The following PARP1 variants were observed in gnomAD, a reference collection of about 807,000 sequenced individuals.
The protein encoded by PARP1 is poly(ADP-ribose) polymerase 1, also known as poly [ADP-ribose] polymerase 1.
PARP1 carries 44 observed loss-of-function variants against 118.7 expected under a neutral mutation model. The observed-to-expected ratio is 0.37, with a 90% CI of 0.29 to 0.48. The LOEUF (loss-of-function observed/expected upper bound fraction) is 0.48. PARP1 is among the 20% of genes least tolerant of loss of function. The probability of loss-of-function intolerance (pLI) is 0.99; values close to 1 mark genes in which losing one functional copy is unlikely to be tolerated. For synonymous variants in PARP1, 492 were observed against 483.2 expected (o/e 1.02, Z -0.24); for missense variants, 1,100 against 1,272.4 (o/e 0.86, Z 2.06).
chr1:226,381,154 T>C lies in PARP1; in HGVS notation c.1214A>G (p.Lys405Arg). Residue 405 changes from lysine to arginine, a missense_variant, in exon 9 of 23, where the codon AAG becomes AGG. Transcript: ENST00000366794. ...CTCAATCATGGCCTTCACTTCATCC[T>C]TGTTCCGGGACAGCTTCCCGAGAGT... is the stretch of plus-strand genomic sequence containing the variant. Reference protein sequence around the residue: ...ILTLGKLSRNKDEVKAMIEKL... With the variant: ...ILTLGKLSRNRDEVKAMIEKL... 1 of 1,614,178 alleles carries C rather than the reference T, an allele frequency of 6.2e-7. No homozygotes were observed. The highest frequency in any genetic ancestry group is 8.5e-7 in the Non-Finnish European group (1 of 1,180,002).
intron 11 of PARP1, 107 bp downstream of exon 11, chr1:226,379,466 C>G: frequency 8.7e-7 from 1 of 1,144,912 alleles, no homozygotes; most frequent in Middle Eastern, 2.0e-4. Context: ...GACAAAGGCA[C>G]GACCACACTG....
chr1:226,370,798 C>T, intron 14 of PARP1: 1 of 478,016 alleles, frequency 2.1e-6, no homozygotes, highest in Non-Finnish European at 3.9e-6. Flanking sequence ...TCCAGCACGT[C>T]TGGACGAAGA....
rs373928431 is a variant in PARP1 at position 226,361,876 on chromosome 1, C to CT, written c.2963+92dup. On this transcript the variant is annotated intron_variant, in intron 22 of 22. Transcript: ENST00000366794. ...ACACACTACAGGACAGCCTCTAATC[C>CT]TTGTCTGCCCCAGGTAATCTGACAG... 740 of 804,028 alleles carry CT rather than the reference C, an allele frequency of 9.2e-4. 2 individuals are homozygous for CT. In the African/African-American group the frequency reaches 0.011, roughly 12 times the overall value. 49.8% of individuals were successfully genotyped at this position (804,028 alleles called of 1,614,324 possible).
In PARP1 at chr1:226,390,490, A is replaced by T. The variant is rs1664802335; in HGVS notation, c.537T>A (p.Ser179Arg). The T allele has an allele frequency of 6.2e-7, 1 of 1,613,866 alleles. No homozygotes were observed. The highest frequency in any genetic ancestry group is 8.5e-7 in the Non-Finnish European group (1 of 1,180,024). ...CAAGGAGGCTGAAGCCCTTGAGCTG[A>T]CTCGCACTGTACTCGGGCCGGAAAC... ...ELGFRPEYSASQLKGFSLLAT... is the reference protein window; with the variant it reads ...ELGFRPEYSARQLKGFSLLAT... Residue 179 changes from serine (S) to arginine (R), a missense_variant, in exon 4 of 23, where the codon AGT becomes AGA. Ser to Arg is a moderately radical substitution (Grantham distance 110, BLOSUM62 -1). Transcript: ENST00000366794.
chr1:226,384,210 C>T (rs775759716), intron 7 of PARP1, among the ~76,000 whole-genome samples: 2 of 152,146 alleles, frequency 1.3e-5, no homozygotes, highest in Non-Finnish European at 2.9e-5. Context: ...CCTGGCTAGG[C>T]GCCCTATTGC....
chr1:226,381,388 A>G (rs370466538), intron 8 of PARP1, among the ~76,000 whole-genome samples, 180 bp from the exon 9 acceptor site: 1 of 152,246 alleles, frequency 6.6e-6, no homozygotes, highest in East Asian at 1.9e-4. Context: ...GATGTCCCTC[A>G]GCACAGAAAG....
Position 226,381,102 on chromosome 1 carries a change from C to T in PARP1, c.1266G>A (p.Thr422=), listed in dbSNP as rs773711244. 3.0e-5 allele frequency: 48 copies of T among 1,614,062 alleles called. No homozygotes were observed. Among genetic ancestry groups the T allele is most frequent in the East Asian group, 8.9e-5 (4 of 44,892 alleles). The part of the protein sequence containing the change: ...IEKLGGKLTG[T]ANKASLCIST... Reference sequence around the variant, plus strand: ...TGATGCACAGGGAAGCCTTGTTGGCCGTCCCCGTCAACTTCCCCCCGAGTT... The same window carrying T: ...TGATGCACAGGGAAGCCTTGTTGGCTGTCCCCGTCAACTTCCCCCCGAGTT... Residue 422 remains threonine, a synonymous_variant, in exon 9 of 23, where the codon ACG becomes ACA. Coordinates refer to ENST00000366794, the MANE Select transcript of PARP1 (RefSeq NM_001618.4).
At position 226,388,686 on chromosome 1, in the gene PARP1, G is replaced by A; in HGVS notation, c.687C>T (p.Asp229=). The A allele has an allele frequency of 1.2e-6, 2 of 1,613,780 alleles. No homozygotes were observed. Among genetic ancestry groups the A allele is most frequent in the Non-Finnish European group, 1.7e-6 (2 of 1,179,704 alleles). The change falls in exon 5 of 23, where the codon GAC becomes GAT. Residue 229 remains aspartate (D), a synonymous_variant. Transcript: ENST00000366794. ...GGGCTTTTTCAAGCTTACTATCCTTGTCTTTTTCTTTTTTAGATTTCTTCT... is the reference window on the plus strand; with the variant it reads ...GGGCTTTTTCAAGCTTACTATCCTTATCTTTTTCTTTTTTAGATTTCTTCT... ...VAKKKSKKEK[D]KDSKLEKALK...
chr1:226,367,559 C>A lies in PARP1; in HGVS notation c.2327G>T (p.Ser776Ile). The A allele has an allele frequency of 6.2e-7, 1 of 1,614,198 alleles. No individual in the cohort carries two copies. The change falls in exon 17 of 23, where the codon AGT (serine) becomes ATT (isoleucine). Residue 776 changes from serine (S) to isoleucine (I), a missense_variant. Transcript: ENST00000366794. ...ATCATCAGACCCTCCCCTGAGCAGA[C>A]TGTAGGCCACCTCGATGTCCAGCAG... Reference protein sequence around the residue: ...DNLLDIEVAYSLLRGGSDDSS... With the variant: ...DNLLDIEVAYILLRGGSDDSS...
chr1:226,390,677 A>G (rs942688664), intron 3 of PARP1, 53 bp from the exon 4 acceptor site: 1 of 1,524,676 alleles, frequency 6.6e-7, no homozygotes, highest in South Asian at 1.1e-5. Flanking sequence ...AGGATAGTGA[A>G]CATGATACGG....
chr1:226,368,640 T>C (rs1012329185), intron 15 of PARP1, among the ~76,000 whole-genome samples: 7 of 152,242 alleles, frequency 4.6e-5, no homozygotes, highest in African/African-American at 1.7e-4. Context: ...ATCTAGGTGG[T>C]GGGCTAATGA....
In PARP1 at chr1:226,376,092, G is replaced by A. The variant is rs1343499968; in HGVS notation, c.1941+1016C>T. Among the ~76,000 whole-genome samples, 10 of 152,246 alleles carry A rather than the reference G, an allele frequency of 6.6e-5. No homozygotes were observed. In the East Asian group the frequency reaches 1.9e-3, roughly 29 times the overall value. On this transcript the variant is annotated intron_variant, in intron 13 of 22. Coordinates refer to ENST00000366794, the MANE Select transcript of PARP1 (RefSeq NM_001618.4). ...CTGAGCCTCATCATTGTATAAGCAA[G>A]ATGTAAATCCTATTTTTAATATGGA...
chr1:226,380,028 G>C lies in PARP1; in HGVS notation c.1437C>G (p.Ser479=). 6.2e-7 allele frequency: 1 copy of C among 1,614,192 alleles called. No individual in the cohort carries two copies. Among genetic ancestry groups the C allele is most frequent in the African/African-American group, 1.3e-5 (1 of 75,054 alleles). The change falls in exon 10 of 23, where the codon TCC becomes TCG. Residue 479 remains serine (S), a synonymous_variant. Coordinates refer to ENST00000366794, the MANE Select transcript of PARP1 (RefSeq NM_001618.4). ...CTGCCTTCACCTCTGCCCCCCAAGG[G>C]GACAAGATGTGCGCTAAGAACAACT... is the stretch of plus-strand genomic sequence containing the variant. ...LQELFLAHIL[S]PWGAEVKAEP...
In PARP1 at chr1:226,385,593, C is replaced by A. The variant is rs2102738487; in HGVS notation, c.922G>T (p.Ala308Ser). Residue 308 changes from alanine (A) to serine (S), a missense_variant, in exon 7 of 23, where the codon GCC becomes TCC. Transcript: ENST00000366794. Reference sequence around the variant, plus strand: ...GTGACGTCCCCAGTGCAGTAATAGGCATCGCTCTTGAAGACCAGCTGACCC... The same window carrying A: ...GTGACGTCCCCAGTGCAGTAATAGGAATCGCTCTTGAAGACCAGCTGACCC... Reference protein sequence around the residue: ...CSGQLVFKSDAYYCTGDVTAW... With the variant: ...CSGQLVFKSDSYYCTGDVTAW... 2 of 1,614,152 alleles carry A rather than the reference C, an allele frequency of 1.2e-6. No homozygotes were observed. The highest frequency in any genetic ancestry group is 2.2e-5 in the East Asian group (1 of 44,880).
chr1:226,365,037 G>A lies in PARP1; in HGVS notation c.2623C>T (p.Gln875Ter). Residue 875 changes from glutamine (Q) to a stop codon, truncating the protein, a stop_gained, in exon 19 of 23, where the codon CAG (glutamine) becomes TAG (stop). Transcript: ENST00000366794. LOFTEE classifies it high-confidence loss of function. ...RTTNFAGILS[Q>*]GLRIAPPEAP... ...TCAGGCGGGGCTATCCGAAGACCCTGGGACAGGATCCCAGCAAAGTTGGTG... is the reference window on the plus strand; with the variant it reads ...TCAGGCGGGGCTATCCGAAGACCCTAGGACAGGATCCCAGCAAAGTTGGTG... The A allele has an allele frequency of 6.2e-7, 1 of 1,614,198 alleles. No individual in the cohort carries two copies. Among genetic ancestry groups the A allele is most frequent in the South Asian group, 1.1e-5 (1 of 91,086 alleles).
intron 5 of PARP1, among the ~76,000 whole-genome samples, chr1:226,388,243 T>C (rs1406425101): frequency 6.6e-6 from 1 of 152,246 alleles, no homozygotes; most frequent in African/African-American, 2.4e-5. Flanking sequence ...ACTTGATCTC[T>C]TCAAGCCATT....
At position 226,362,044 on chromosome 1, in the gene PARP1, C is replaced by G. The variant is rs767540769; in HGVS notation, c.2888G>C (p.Ser963Thr). Residue 963 changes from serine (S) to threonine (T), a missense_variant, in exon 22 of 23, where the codon AGT (serine) becomes ACT (threonine). By Grantham distance (58) the Ser-to-Thr change is moderately conservative. This residue lies in a region of PARP1 where 152 missense variants were observed against 240.6 expected (regional missense o/e 0.63). Coordinates refer to ENST00000366794, the MANE Select transcript of PARP1 (RefSeq NM_001618.4). ...KTTPDPSANI[S>T]LDGVDVPLGT... ...AAGAGGAACGTCTACACCATCCAGACTAATGTTAGCTGAAGGATCAGGGGT... is the reference window on the plus strand; with the variant it reads ...AAGAGGAACGTCTACACCATCCAGAGTAATGTTAGCTGAAGGATCAGGGGT... 1 of 1,613,826 alleles carries G rather than the reference C, an allele frequency of 6.2e-7. No homozygotes were observed. Among genetic ancestry groups the G allele is most frequent in the African/African-American group, 1.3e-5 (1 of 74,928 alleles).
At chr1:226,363,902 C>A (rs2102726125) in intron 20 of PARP1, 41 bp downstream of exon 20, 1 of 1,610,642 alleles carries the variant, frequency 6.2e-7, no homozygotes, top group Non-Finnish European at 8.5e-7. Context: ...TTCCACCTGT[C>A]CCCATGAAAT....
rs1431854371 is a variant in PARP1 at position 226,383,128 on chromosome 1, A to G, written c.1067T>C (p.Ile356Thr). 6.2e-7 allele frequency: 1 copy of G among 1,612,894 alleles called. No individual in the cohort carries two copies. Among genetic ancestry groups the G allele is most frequent in the Non-Finnish European group, 8.5e-7 (1 of 1,179,532 alleles). The change falls in exon 8 of 23, where the codon ATA (isoleucine) becomes ACA (threonine). Residue 356 changes from isoleucine to threonine, a missense_variant. Around this residue, in one of 2 missense-constraint regions of PARP1, gnomAD observed 948 missense variants for 1,031.8 expected, o/e 0.92. Coordinates refer to ENST00000366794, the MANE Select transcript of PARP1 (RefSeq NM_001618.4). ...KKLKVKKQDR[I>T]FPPETSASVA... is the part of the protein sequence containing the mutation. The stretch of plus-strand genomic sequence containing the variant: ...GGAGGCGCTGGTTTCTGGGGGGAAT[A>G]TACGGTCCTGTTTTTTAACCTTCAA...
Sources: allele counts gnomAD v4.1 joint callset (sites outside exome capture counted in the v4.1 genomes callset), GRCh38; gene constraint gnomAD v4.1.1; regional missense constraint gnomAD v4.1.1; transcripts MANE v1.5; gene names NCBI Gene and HGNC (gene_info 2026-07-23, HGNC 2026-07-21).